XKR4: variants seen among roughly 807,000 people sequenced by gnomAD.
XKR4 encodes the protein XK-related protein 4.
In XKR4, 12 loss-of-function variants were observed where a neutral mutation model predicts 53.9. The observed-to-expected ratio is 0.22, with a 90% CI of 0.14 to 0.36. XKR4 has a LOEUF of 0.36. Among genes scored for constraint, XKR4 ranks in the 10% least tolerant of loss-of-function variants. The probability of loss-of-function intolerance (pLI) is 1.00; values close to 1 mark genes in which losing one functional copy is unlikely to be tolerated. For missense variants in XKR4, 799 were observed against 859.5 expected (o/e 0.93, Z 0.88); for synonymous variants, 354 against 362.4 (o/e 0.98, Z 0.26).
intron 1 of XKR4, among the ~76,000 whole-genome samples, chr8:55,199,235 A>G (rs534834750): frequency 6.6e-6 from 1 of 152,332 alleles, no homozygotes; most frequent in South Asian, 2.1e-4. Flanking sequence ...AAAAGAAAAA[A>G]AAATGGTAAA....
chr8:55,256,694 G>A (rs1818443154), intron 1 of XKR4, among the ~76,000 whole-genome samples: 1 of 152,164 alleles, frequency 6.6e-6, no homozygotes, highest in South Asian at 2.1e-4. Flanking sequence ...AATGCTAAAG[G>A]TGGTGGAGCT....
At chr8:55,403,421 C>A (rs1342673743) in intron 2 of XKR4, among the ~76,000 whole-genome samples, 1 of 152,180 alleles carries the variant, frequency 6.6e-6, no homozygotes, top group Non-Finnish European at 1.5e-5. Flanking sequence ...TTGGAAGTAA[C>A]TTTTTCAAAC....
intron 2 of XKR4, among the ~76,000 whole-genome samples, chr8:55,394,974 A>G (rs1218447417): frequency 6.6e-6 from 1 of 152,142 alleles, no homozygotes; most frequent in East Asian, 1.9e-4. Context: ...TTAGTCAGGG[A>G]GGCATGATTG....
chr8:55,186,857 T>C (rs1341618711), intron 1 of XKR4, among the ~76,000 whole-genome samples: 1 of 152,192 alleles, frequency 6.6e-6, no homozygotes, highest in Admixed American at 6.5e-5. Flanking sequence ...GATTGTTATA[T>C]TTGTAATCAG....
intron 2 of XKR4, among the ~76,000 whole-genome samples, chr8:55,458,165 A>G (rs1704386324): frequency 6.6e-6 from 1 of 152,268 alleles, no homozygotes; most frequent in Non-Finnish European, 1.5e-5. Flanking sequence ...CAAAATACTT[A>G]GAATAGCCTA....
intron 2 of XKR4, among the ~76,000 whole-genome samples, chr8:55,419,426 G>A (rs148938212): frequency 9.2e-4 from 140 of 152,308 alleles, no homozygotes; most frequent in African/African-American, 3.3e-3. Context: ...GTATTCCAAT[G>A]TATTGGGCTT....
chr8:55,318,191 A>T lies in XKR4; in HGVS notation c.807-39487A>T, dbSNP rs192910691. Reference sequence around the variant, plus strand: ...TTATCTTGCAAGTATCTTCCTAAAAATTACCCTGACTGGCCTGAATCATTA... The same window carrying T: ...TTATCTTGCAAGTATCTTCCTAAAATTTACCCTGACTGGCCTGAATCATTA... On this transcript the variant is annotated intron_variant, in intron 1 of 2. Transcript: ENST00000327381. 7.9e-5 allele frequency among the ~76,000 whole-genome samples: 12 copies of T among 152,314 alleles called. No individual in the cohort carries two copies. In the East Asian group the frequency reaches 1.9e-3, roughly 25 times the overall value.
At chr8:55,237,910 G>A (rs993880928) in intron 1 of XKR4, among the ~76,000 whole-genome samples, 1 of 151,950 alleles carries the variant, frequency 6.6e-6, no homozygotes, top group Non-Finnish European at 1.5e-5. Flanking sequence ...CCAGGGTAGT[G>A]CCTAGCTGAA....
At chr8:55,386,146 C>T (rs1007637475) in intron 2 of XKR4, among the ~76,000 whole-genome samples, 2 of 152,164 alleles carry the variant, frequency 1.3e-5, no homozygotes, top group Non-Finnish European at 2.9e-5. Flanking sequence ...ATAATCACCA[C>T]CATGATCTGA....
intron 1 of XKR4, among the ~76,000 whole-genome samples, chr8:55,166,871 A>G (rs4595105): frequency 0.051 from 7,806 of 152,254 alleles, 683 homozygotes; most frequent in African/African-American, 0.17. Flanking sequence ...TTTGCTTTGA[A>G]TGATATATGA....
intron 1 of XKR4, among the ~76,000 whole-genome samples, chr8:55,199,530 T>A (rs900561501): frequency 2.0e-5 from 3 of 152,178 alleles, no homozygotes; most frequent in Non-Finnish European, 4.4e-5. Flanking sequence ...TATCTTTAGG[T>A]CCCCATTGTG....
intron 1 of XKR4, among the ~76,000 whole-genome samples, chr8:55,204,798 A>G (rs1245706667): frequency 6.6e-6 from 1 of 152,246 alleles, no homozygotes; most frequent in African/African-American, 2.4e-5. Context: ...TACATTTTCT[A>G]TACTTTTTTT....
At position 55,357,737 on chromosome 8, in the gene XKR4, G is replaced by T. The variant is rs1563331842; in HGVS notation, c.866G>T (p.Trp289Leu). ...RSRQSGENDR[W>L]RFYWKMVYEY... is the part of the protein sequence containing the mutation. ...CGACAGAGTGGGGAGAATGACAGAT[G>T]GAGGTTTTACTGGAAAATGGTATAT... Residue 289 changes from tryptophan to leucine, a missense_variant, in exon 2 of 3, where the codon TGG (tryptophan) becomes TTG (leucine). By Grantham distance (61) the Trp-to-Leu change is moderately conservative (BLOSUM62 -2). This residue lies in a region of XKR4 where 476 missense variants were observed against 505.4 expected (regional missense o/e 0.94). Coordinates refer to ENST00000327381, the MANE Select transcript of XKR4 (RefSeq NM_052898.2). 6.2e-7 allele frequency: 1 copy of T among 1,614,220 alleles called. No individual in the cohort carries two copies. The highest frequency in any genetic ancestry group is 1.7e-5 in the Admixed American group (1 of 60,032).
chr8:55,251,603 TA>T (rs1171639439), intron 1 of XKR4, among the ~76,000 whole-genome samples: 1 of 152,202 alleles, frequency 6.6e-6, no homozygotes, highest in Non-Finnish European at 1.5e-5. Context: ...GCTTAATGAA[TA>T]AAAATATCCA....
At chr8:55,470,077 G>T (rs564546331) in intron 2 of XKR4, among the ~76,000 whole-genome samples, 1 of 151,968 alleles carries the variant, frequency 6.6e-6, no homozygotes, top group South Asian at 2.1e-4. Flanking sequence ...ATGTAATGGG[G>T]GAAAGTAAAG....
intron 2 of XKR4, among the ~76,000 whole-genome samples, chr8:55,370,648 A>G (rs1563334563): frequency 6.6e-6 from 1 of 152,104 alleles, no homozygotes; most frequent in African/African-American, 2.4e-5. Context: ...GAGAGTTGTG[A>G]TTTTTTTCTT....
intron 1 of XKR4, among the ~76,000 whole-genome samples, chr8:55,162,070 A>G (rs1024323359): frequency 6.6e-6 from 1 of 152,106 alleles, no homozygotes; most frequent in African/African-American, 2.4e-5. Flanking sequence ...CTGTCTTTCA[A>G]AGCTCACCTT....
chr8:55,245,304 A>G (rs1818270448), intron 1 of XKR4, among the ~76,000 whole-genome samples: 1 of 152,126 alleles, frequency 6.6e-6, no homozygotes, highest in African/African-American at 2.4e-5. Context: ...CATAGTTTGC[A>G]AAAATTTTCT....
At chr8:55,145,011 T>C (rs1374727935) in intron 1 of XKR4, among the ~76,000 whole-genome samples, 5 of 151,942 alleles carry the variant, frequency 3.3e-5, no homozygotes, top group South Asian at 2.1e-4. Flanking sequence ...TTTGTATTTT[T>C]AGTAGAAACA....
Sources: allele counts gnomAD v4.1 joint callset (sites outside exome capture counted in the v4.1 genomes callset), GRCh38; gene constraint gnomAD v4.1.1; regional missense constraint gnomAD v4.1.1; transcripts MANE v1.5; gene names NCBI Gene and HGNC (gene_info 2026-07-23, HGNC 2026-07-21).